VPS41: variants seen among roughly 807,000 people sequenced by gnomAD.
VPS41 encodes the protein vacuolar protein sorting-associated protein 41 homolog.
A neutral mutation model predicts 130.9 loss-of-function variants in VPS41; 85 were observed. That is an observed-to-expected ratio of 0.65 (90% CI 0.55 to 0.78). The LOEUF is 0.78. VPS41 is among the 30% of genes least tolerant of loss of function. The pLI is 0.00. For synonymous variants in VPS41, 335 were observed against 332.9 expected (o/e 1.01, Z -0.07); for missense variants, 874 against 1,018.7 (o/e 0.86, Z 1.93).
chr7:38,897,569 T>C (rs1452857898), intron 2 of VPS41, among the ~76,000 whole-genome samples: 1 of 148,246 alleles, frequency 6.7e-6, no homozygotes, highest in East Asian at 2.0e-4. Flanking sequence ...GGTGTGAACC[T>C]GGGAGACGGA....
chr7:38,796,372 A>C, intron 8 of VPS41: 1 of 427,258 alleles, frequency 2.3e-6, no homozygotes, highest in South Asian at 1.7e-5. Flanking sequence ...TAAAAGAGAA[A>C]TCAGCAATAT....
chr7:38,892,478 CATT>C (rs1422935348), intron 2 of VPS41, among the ~76,000 whole-genome samples: 1 of 152,156 alleles, frequency 6.6e-6, no homozygotes, highest in Non-Finnish European at 1.5e-5. Context: ...TAATGATCAT[CATT>C]ATCAGGGTAG....
chr7:38,824,827 A>G (rs1041178318), intron 5 of VPS41, among the ~76,000 whole-genome samples: 1 of 152,204 alleles, frequency 6.6e-6, no homozygotes, highest in Non-Finnish European at 1.5e-5. Flanking sequence ...TTTTAGAAAA[A>G]AAGTGATTTC....
Position 38,866,483 on chromosome 7 carries a change from C to T in VPS41, c.168+2663G>A, listed in dbSNP as rs561954287. 7.2e-5 allele frequency among the ~76,000 whole-genome samples: 11 copies of T among 152,182 alleles called. No individual in the cohort carries two copies. The South Asian group carries it at 2.1e-3, about 29-fold the overall frequency. Reference sequence around the variant, plus strand: ...GCTGGGTGAAAGCAGAGGATTCATCCGTGGCTTAGGTGACAAAGGAGGTGG... The same window carrying T: ...GCTGGGTGAAAGCAGAGGATTCATCTGTGGCTTAGGTGACAAAGGAGGTGG... On this transcript the variant is annotated intron_variant, in intron 3 of 28. Transcript: ENST00000310301.
chr7:38,835,013 T>C (rs951472595), intron 4 of VPS41, among the ~76,000 whole-genome samples: 1 of 152,062 alleles, frequency 6.6e-6, no homozygotes, highest in Non-Finnish European at 1.5e-5. Context: ...ACGGTCATTA[T>C]ACACCAGGCT....
chr7:38,866,592 G>A (rs747411144), intron 3 of VPS41, among the ~76,000 whole-genome samples: 2 of 152,142 alleles, frequency 1.3e-5, no homozygotes, highest in Non-Finnish European at 2.9e-5. Flanking sequence ...ACATGCTGAG[G>A]TTCAGGAAAA....
intron 25 of VPS41, among the ~76,000 whole-genome samples, chr7:38,733,114 C>T (rs575418625): frequency 9.8e-4 from 150 of 152,314 alleles, no homozygotes; most frequent in Non-Finnish European, 1.5e-3. Flanking sequence ...AGGCATGAAC[C>T]ACCGTATCCA....
At chr7:38,782,304 C>T (rs539576660) in intron 10 of VPS41, among the ~76,000 whole-genome samples, 1 of 152,340 alleles carries the variant, frequency 6.6e-6, no homozygotes, top group South Asian at 2.1e-4. Flanking sequence ...TGAATGCCAA[C>T]TGGCTATCTT....
intron 4 of VPS41, among the ~76,000 whole-genome samples, chr7:38,852,046 C>T (rs750132878): frequency 1.3e-5 from 2 of 152,098 alleles, no homozygotes; most frequent in African/African-American, 4.8e-5. Flanking sequence ...GAAGTATAGC[C>T]GCACCAGAAC....
chr7:38,866,387 T>C (rs1199078519), intron 3 of VPS41, among the ~76,000 whole-genome samples: 4 of 152,168 alleles, frequency 2.6e-5, no homozygotes, highest in Non-Finnish European at 1.5e-5. Context: ...ATTTACTCTG[T>C]GGAGGCAGTA....
intron 22 of VPS41, among the ~76,000 whole-genome samples, chr7:38,747,018 T>G (rs2286097): frequency 0.34 from 51,449 of 152,104 alleles, 9,416 homozygotes; most frequent in Admixed American, 0.55. Flanking sequence ...GTTGCTCTGT[T>G]AAGCCACAAT....
At chr7:38,758,263 A>G in intron 18 of VPS41, 91 bp downstream of exon 18, 1 of 1,216,316 alleles carries the variant, frequency 8.2e-7, no homozygotes, top group Non-Finnish European at 1.1e-6. Flanking sequence ...TATAAAATAC[A>G]TCTTCTCCAC....
chr7:38,804,107 A>G (rs1399572445), intron 7 of VPS41, among the ~76,000 whole-genome samples: 1 of 152,216 alleles, frequency 6.6e-6, no homozygotes, highest in African/African-American at 2.4e-5. Context: ...AAGGGTTCCT[A>G]GAGCCCACTC....
In VPS41 at chr7:38,767,588, A is replaced by C. The variant is rs1235284836; in HGVS notation, c.1196T>G (p.Leu399Trp). 6 of 1,609,644 alleles carry C rather than the reference A, an allele frequency of 3.7e-6. No individual in the cohort carries two copies. The Admixed American group carries it at 1.0e-4, about 27-fold the overall frequency. The stretch of plus-strand genomic sequence containing the variant: ...CTCCACCAGGTGATTTATATATGCC[A>C]AGCCAATATCCTAGAGAAAGCCAAA... ...IKRHKILDIG[L>W]AYINHLVERG... The change falls in exon 15 of 29, where the codon TTG becomes TGG. Residue 399 changes from leucine to tryptophan, a missense_variant. Coordinates refer to ENST00000310301, the MANE Select transcript of VPS41 (RefSeq NM_014396.4).
At chr7:38,869,106 A>T (rs1242012832) in intron 3 of VPS41, 40 bp downstream of exon 3, 1 of 1,464,716 alleles carries the variant, frequency 6.8e-7, no homozygotes, top group Admixed American at 2.1e-5. Flanking sequence ...TTTACAATGG[A>T]AACAATTTAC....
intron 5 of VPS41, 134 bp downstream of exon 5, chr7:38,830,120 A>G: frequency 2.9e-6 from 2 of 690,006 alleles, no homozygotes; most frequent in Non-Finnish European, 5.2e-6. Context: ...ATTATGACCA[A>G]TCAGAAGCAA....
At chr7:38,830,592 C>T (rs1378008914) in intron 4 of VPS41, among the ~76,000 whole-genome samples, 7 of 152,106 alleles carry the variant, frequency 4.6e-5, no homozygotes, top group African/African-American at 1.2e-4. Context: ...TGGAAATATG[C>T]AAAGTTGAAT....
In VPS41 at chr7:38,727,052, T is replaced by C. The variant is rs571602867; in HGVS notation, c.2405-64A>G. 5.7e-6 allele frequency: 8 copies of C among 1,392,946 alleles called. No individual in the cohort carries two copies. In the East Asian group the frequency reaches 1.4e-4, roughly 24 times the overall value. 86.3% of individuals were successfully genotyped at this position (1,392,946 alleles called of 1,614,324 possible). A position where few individuals can be genotyped will look rare whatever the true frequency, so the allele number is the denominator to read the frequency against. ...AACAAGCAAGATCATTTTAAACCAA[T>C]CCCGACTGAAAGTCGAGTTGCAGTT... On this transcript the variant is annotated intron_variant, in intron 27 of 28. Transcript: ENST00000310301.
At chr7:38,838,363 T>G (rs1216683843) in intron 4 of VPS41, among the ~76,000 whole-genome samples, 1 of 152,132 alleles carries the variant, frequency 6.6e-6, no homozygotes, top group Non-Finnish European at 1.5e-5. Context: ...ATAACAGCAA[T>G]GAGCAGAAAC....
Sources: allele counts gnomAD v4.1 joint callset (sites outside exome capture counted in the v4.1 genomes callset), GRCh38; gene constraint gnomAD v4.1.1; transcripts MANE v1.5; gene names NCBI Gene and HGNC (gene_info 2026-07-23, HGNC 2026-07-21).